Variants in TRIM67 observed in about 807,000 individuals in gnomAD.
TRIM67 encodes tripartite motif containing 67, also known as tripartite motif-containing protein 67.
A neutral mutation model predicts 71.0 loss-of-function variants in TRIM67; 39 were observed. The ratio of observed to expected loss-of-function variants is 0.55; its 90% CI spans 0.43 to 0.72. The LOEUF (loss-of-function observed/expected upper bound fraction) is 0.72. Among genes scored for constraint, TRIM67 ranks in the 30% least tolerant of loss-of-function variants. TRIM67 has a pLI of 0.00. For missense variants in TRIM67, 973 were observed against 1,079.2 expected, an observed-to-expected ratio of 0.90 and a Z score of 1.38; for synonymous variants, 481 against 473.9, an observed-to-expected ratio of 1.01 and a Z score of -0.19.
intron 1 of TRIM67, among the ~76,000 whole-genome samples, chr1:231,180,230 T>C (rs935357362): frequency 6.6e-6 from 1 of 152,216 alleles, no homozygotes; most frequent in Non-Finnish European, 1.5e-5. Flanking sequence ...TATGTGGATA[T>C]TGCATCATTT....
At chr1:231,191,589 C>T (rs145383225) in intron 1 of TRIM67, among the ~76,000 whole-genome samples, 1,722 of 152,148 alleles carry the variant, frequency 0.011, 14 homozygotes, top group Non-Finnish European at 0.017. Context: ...GAGCGTGGGG[C>T]ATCAGAAGCC....
intron 8 of TRIM67, 91 bp from the exon 9 acceptor site, chr1:231,213,724 G>T: frequency 7.0e-7 from 1 of 1,433,206 alleles, no homozygotes; most frequent in Non-Finnish European, 9.4e-7. Context: ...GAGTGAGACC[G>T]TGTCTCTAAA....
Position 231,162,891 on chromosome 1 carries a change from C to T in TRIM67, c.-79C>T. ...CCCGTCGTCTCACCGGGGCGCACCGCGCTGGTCCTCCTCCGCCAGTCTCCC... is the reference window on the plus strand; with the variant it reads ...CCCGTCGTCTCACCGGGGCGCACCGTGCTGGTCCTCCTCCGCCAGTCTCCC... On this transcript the variant is annotated 5_prime_UTR_variant, in exon 1 of 10. Transcript: ENST00000366653. 4 of 1,536,024 alleles carry T rather than the reference C, an allele frequency of 2.6e-6. No individual in the cohort carries two copies. The highest frequency in any genetic ancestry group is 1.2e-5 in the South Asian group (1 of 82,238).
In TRIM67 at chr1:231,201,495, C is replaced by T; in HGVS notation, c.1512C>T (p.Asp504=). 1 of 1,613,936 alleles carries T rather than the reference C, an allele frequency of 6.2e-7. No individual in the cohort carries two copies. The highest frequency in any genetic ancestry group is 8.5e-7 in the Non-Finnish European group (1 of 1,179,872). The change falls in exon 5 of 10, where the codon GAC becomes GAT. Residue 504 remains aspartate (D), a synonymous_variant. Coordinates refer to ENST00000366653, the MANE Select transcript of TRIM67 (RefSeq NM_001004342.5). ...EPLLQAIHQL[D]FIQMKCRVPP... is the part of the protein sequence containing the mutation. ...TGCTGCAGGCCATCCACCAGCTGGACTTCATTCAGATGAAATGTAGGGGTG... is the reference window on the plus strand; with the variant it reads ...TGCTGCAGGCCATCCACCAGCTGGATTTCATTCAGATGAAATGTAGGGGTG...
rs578074540 is a variant in TRIM67 at position 231,185,004 on chromosome 1, T to C, written c.1045-12367T>C. ...TGCTCCTGAATGGGTGGCCGGCAGG[T>C]TGGGGAGGGTCAGCTTATTCTGCTT... On this transcript the variant is annotated intron_variant, in intron 1 of 9. Transcript: ENST00000366653. The C allele has an allele frequency of 9.6e-4, 1,473 of 1,532,346 alleles. 1 individual carries two copies. The highest frequency in any genetic ancestry group is 9.2e-4 in the Non-Finnish European group (1,057 of 1,146,236). The allele number at this position is 1,532,346 out of a possible 1,614,324, so 94.9% of individuals were successfully genotyped here.
chr1:231,163,616 C>T lies in TRIM67; in HGVS notation c.647C>T (p.Pro216Leu). ...AICQLCDRTP[P>L]EPAATLCEQC... is the part of the protein sequence containing the mutation. Reference sequence around the variant, plus strand: ...TGCCAGCTGTGCGACCGCACCCCGCCAGAGCCAGCAGCCACGCTCTGCGAG... The same window carrying T: ...TGCCAGCTGTGCGACCGCACCCCGCTAGAGCCAGCAGCCACGCTCTGCGAG... The change falls in exon 1 of 10, where the codon CCA (proline) becomes CTA (leucine). Residue 216 changes from proline (P) to leucine (L), a missense_variant. Coordinates refer to ENST00000366653, the MANE Select transcript of TRIM67 (RefSeq NM_001004342.5). 1 of 1,518,962 alleles carries T rather than the reference C, an allele frequency of 6.6e-7. No homozygotes were observed. 94.1% of individuals were successfully genotyped at this position (1,518,962 alleles called of 1,614,324 possible).
intron 1 of TRIM67, among the ~76,000 whole-genome samples, chr1:231,189,358 A>T (rs1422314064): frequency 1.3e-5 from 2 of 152,164 alleles, no homozygotes; most frequent in Non-Finnish European, 2.9e-5. Flanking sequence ...AGAGCTTTGC[A>T]AATGTGATAA....
intron 1 of TRIM67, among the ~76,000 whole-genome samples, chr1:231,181,525 C>T (rs1322636970): frequency 1.3e-5 from 2 of 152,188 alleles, no homozygotes; most frequent in African/African-American, 2.4e-5. Flanking sequence ...CATTCTCTCA[C>T]CATTTCACTA....
At chr1:231,187,305 G>A (rs1356032777) in intron 1 of TRIM67, among the ~76,000 whole-genome samples, 8 of 152,164 alleles carry the variant, frequency 5.3e-5, no homozygotes, top group Non-Finnish European at 1.2e-4. Flanking sequence ...TCTGCCTGGC[G>A]GAGGAGTGTG....
At position 231,218,956 on chromosome 1, in the gene TRIM67, G is replaced by A. The variant is rs1684078451; in HGVS notation, c.*3516G>A. The A allele has an allele frequency of 1.0e-6, 1 of 985,440 alleles. No homozygotes were observed. Among genetic ancestry groups the A allele is most frequent in the Non-Finnish European group, 1.2e-6 (1 of 829,930 alleles). 61.0% of individuals were successfully genotyped at this position (985,440 alleles called of 1,614,324 possible). On this transcript the variant is annotated 3_prime_UTR_variant, in exon 10 of 10. Coordinates refer to ENST00000366653, the MANE Select transcript of TRIM67 (RefSeq NM_001004342.5). ...AGGATCTTTGTGTATTTCTTCCAGG[G>A]ATATTTGCATTTAAGCCTTAATTCT...
rs1684096924 is a variant in TRIM67, at chr1:231,219,719, G to A, written c.*4279G>A. The A allele has an allele frequency of 8.4e-7, 1 of 1,189,902 alleles. No individual in the cohort carries two copies. The highest frequency in any genetic ancestry group is 1.1e-6 in the Non-Finnish European group (1 of 943,350). 73.7% of individuals were successfully genotyped at this position (1,189,902 alleles called of 1,614,324 possible). A position where few individuals can be genotyped will look rare whatever the true frequency, so the allele number is the denominator to read the frequency against. On this transcript the variant is annotated 3_prime_UTR_variant, in exon 10 of 10. Transcript: ENST00000366653. ...AATTGGTTTTTAAAAAAATCTAACA[G>A]ATCTTATTGGCAAATATTCAAGATG...
intron 1 of TRIM67, among the ~76,000 whole-genome samples, chr1:231,189,395 T>C (rs1326182887): frequency 6.6e-6 from 1 of 152,096 alleles, no homozygotes; most frequent in Non-Finnish European, 1.5e-5. Flanking sequence ...CATCTTGAGA[T>C]GGGGAGATTA....
At chr1:231,174,664 G>T (rs1223012415) in intron 1 of TRIM67, among the ~76,000 whole-genome samples, 1 of 151,942 alleles carries the variant, frequency 6.6e-6, no homozygotes, top group Admixed American at 6.6e-5. Flanking sequence ...CCAACAGTCT[G>T]TCCCGTCTAA....
chr1:231,168,125 T>G (rs1337546965), intron 1 of TRIM67, among the ~76,000 whole-genome samples: 5 of 152,042 alleles, frequency 3.3e-5, no homozygotes, highest in African/African-American at 1.2e-4. Context: ...CCACCATGCC[T>G]GGCTAATTTT....
At chr1:231,199,301 G>T (rs564255810) in intron 3 of TRIM67, 132 bp downstream of exon 3, 3 of 900,310 alleles carry the variant, frequency 3.3e-6, no homozygotes, top group African/African-American at 1.6e-5. Flanking sequence ...AATGAATGAG[G>T]CAAGGAAGGG....
chr1:231,196,112 C>T (rs191105763), intron 1 of TRIM67, among the ~76,000 whole-genome samples: 1 of 152,104 alleles, frequency 6.6e-6, no homozygotes, highest in East Asian at 1.9e-4. Flanking sequence ...TGGGTGGTGA[C>T]GACTGTTAGG....
At chr1:231,170,553 G>T (rs1682595953) in intron 1 of TRIM67, among the ~76,000 whole-genome samples, 1 of 152,154 alleles carries the variant, frequency 6.6e-6, no homozygotes, top group Non-Finnish European at 1.5e-5. Flanking sequence ...TTTTTAGCCT[G>T]CAATGGAAGG....
At position 231,218,992 on chromosome 1, in the gene TRIM67, G is replaced by A. The variant is rs1420883841; in HGVS notation, c.*3552G>A. ...TTAAGCCTTAATTCTCATTGCAAGCGAAAGGCTTGGTCCCCCTGGGAAGGC... is the reference window on the plus strand; with the variant it reads ...TTAAGCCTTAATTCTCATTGCAAGCAAAAGGCTTGGTCCCCCTGGGAAGGC... On this transcript the variant is annotated 3_prime_UTR_variant, in exon 10 of 10. Transcript: ENST00000366653. The A allele has an allele frequency of 7.1e-6, 7 of 985,336 alleles. No homozygotes were observed. The highest frequency in any genetic ancestry group is 7.2e-6 in the Non-Finnish European group (6 of 829,966). 61.0% of individuals were successfully genotyped at this position (985,336 alleles called of 1,614,324 possible).
chr1:231,185,287 C>T (rs1683038275), intron 1 of TRIM67: 2 of 1,398,144 alleles, frequency 1.4e-6, no homozygotes, highest in Admixed American at 4.0e-5. Flanking sequence ...CCCTCCCACC[C>T]TCCTACACTG....
Sources: gnomAD v4.1 joint callset for allele counts (sites outside exome capture counted in the v4.1 genomes callset) on GRCh38, gnomAD v4.1.1 for gene constraint, MANE v1.5 for transcripts, NCBI Gene and HGNC (gene_info 2026-07-23, HGNC 2026-07-21) for gene names.